KCND2: variants seen among roughly 807,000 people sequenced by gnomAD.
KCND2 encodes A-type voltage-gated potassium channel KCND2.
A neutral mutation model predicts 54.4 loss-of-function variants in KCND2; 16 were observed. The observed-to-expected ratio is 0.29, with a 90% CI of 0.20 to 0.45. KCND2 has a LOEUF of 0.45. Ranked by LOEUF, KCND2 falls within the 20% of genes least tolerant of loss-of-function variation. The probability of loss-of-function intolerance (pLI) is 1.00; values close to 1 mark genes in which losing one functional copy is unlikely to be tolerated. For missense variants in KCND2, 486 were observed against 824.2 expected (o/e 0.59, Z 5.02); for synonymous variants, 317 against 310.7 (o/e 1.02, Z -0.21).
At chr7:120,606,169 TA>T (rs1368149709) in intron 1 of KCND2, among the ~76,000 whole-genome samples, 1 of 152,202 alleles carries the variant, frequency 6.6e-6, no homozygotes, top group African/African-American at 2.4e-5. Flanking sequence ...TTTTCTTTAT[TA>T]ATTACCCATT....
intron 1 of KCND2, among the ~76,000 whole-genome samples, chr7:120,335,744 C>T (rs1407071271): frequency 1.3e-5 from 2 of 152,106 alleles, no homozygotes; most frequent in African/African-American, 4.8e-5. Flanking sequence ...CTCGTCCTCC[C>T]AAAGTGTTGG....
At chr7:120,284,347 A>G (rs1291578092) in intron 1 of KCND2, among the ~76,000 whole-genome samples, 2 of 152,070 alleles carry the variant, frequency 1.3e-5, no homozygotes, top group Admixed American at 1.3e-4. Context: ...TCCTTTCGTC[A>G]TGCTGTAGAA....
intron 1 of KCND2, among the ~76,000 whole-genome samples, chr7:120,522,693 C>T (rs802367): frequency 0.24 from 36,813 of 151,998 alleles, 7,765 homozygotes; most frequent in African/African-American, 0.56. Flanking sequence ...ATAAAAGTCA[C>T]GAATATTCAG....
intron 1 of KCND2, among the ~76,000 whole-genome samples, chr7:120,644,361 G>A (rs78532894): frequency 0.034 from 5,217 of 152,120 alleles, 210 homozygotes; most frequent in African/African-American, 0.1. Flanking sequence ...TACAAAATAA[G>A]ATTTAACAAA....
At chr7:120,577,001 G>T (rs909632014) in intron 1 of KCND2, among the ~76,000 whole-genome samples, 1 of 152,026 alleles carries the variant, frequency 6.6e-6, no homozygotes, top group Non-Finnish European at 1.5e-5. Context: ...CAAAAAATTT[G>T]CTAGGTGTGG....
At chr7:120,612,662 G>A (rs1344539510) in intron 1 of KCND2, among the ~76,000 whole-genome samples, 2 of 152,132 alleles carry the variant, frequency 1.3e-5, no homozygotes, top group Admixed American at 6.5e-5. Context: ...GAAACTCCAG[G>A]TCTTAAAGAA....
chr7:120,435,807 G>A (rs1329207887), intron 1 of KCND2, among the ~76,000 whole-genome samples: 2 of 152,106 alleles, frequency 1.3e-5, no homozygotes, highest in East Asian at 1.9e-4. Context: ...TTCCAATGGA[G>A]TATGTTTGTT....
chr7:120,383,191 A>G (rs1354046223), intron 1 of KCND2, among the ~76,000 whole-genome samples: 1 of 151,996 alleles, frequency 6.6e-6, no homozygotes, highest in Non-Finnish European at 1.5e-5. Flanking sequence ...TGCAGAATGC[A>G]TTATTTAAGT....
chr7:120,371,132 A>G (rs868670852), intron 1 of KCND2, among the ~76,000 whole-genome samples: 43 of 152,104 alleles, frequency 2.8e-4, no homozygotes, highest in African/African-American at 9.9e-4. Flanking sequence ...TTCCTCTTTA[A>G]TCTTCTATCT....
intron 1 of KCND2, among the ~76,000 whole-genome samples, chr7:120,713,608 G>T (rs906052670): frequency 6.6e-6 from 1 of 152,130 alleles, no homozygotes; most frequent in Non-Finnish European, 1.5e-5. Flanking sequence ...ATAAATCTGG[G>T]CAAATATGAC....
At chr7:120,441,112 A>G (rs1204612667) in intron 1 of KCND2, among the ~76,000 whole-genome samples, 1 of 152,060 alleles carries the variant, frequency 6.6e-6, no homozygotes, top group Non-Finnish European at 1.5e-5. Context: ...GGAAAAGATG[A>G]CTAGTTAATG....
chr7:120,675,604 G>A (rs979941185), intron 1 of KCND2, among the ~76,000 whole-genome samples: 1 of 152,006 alleles, frequency 6.6e-6, no homozygotes, highest in African/African-American at 2.4e-5. Flanking sequence ...TCTGGAATAC[G>A]TATAAGAATG....
chr7:120,643,145 A>G (rs551787441), intron 1 of KCND2, among the ~76,000 whole-genome samples: 7 of 152,256 alleles, frequency 4.6e-5, no homozygotes, highest in African/African-American at 1.7e-4. Context: ...ATAAGGTGCT[A>G]TTTTTCTAAT....
intron 1 of KCND2, among the ~76,000 whole-genome samples, chr7:120,278,853 A>C (rs1455774585): frequency 6.6e-6 from 1 of 151,922 alleles, no homozygotes; most frequent in Non-Finnish European, 1.5e-5. Flanking sequence ...AAAAAAATGA[A>C]AAAATAATGT....
At chr7:120,402,296 A>C (rs147908986) in intron 1 of KCND2, among the ~76,000 whole-genome samples, 1 of 149,954 alleles carries the variant, frequency 6.7e-6, no homozygotes, top group African/African-American at 2.4e-5. Flanking sequence ...TCCCATGTGC[A>C]TCCCTTCCCC....
intron 1 of KCND2, among the ~76,000 whole-genome samples, chr7:120,537,935 T>C (rs1791932036): frequency 6.6e-6 from 1 of 152,192 alleles, no homozygotes; most frequent in South Asian, 2.1e-4. Context: ...TTATTATCAT[T>C]CATGAGTTCA....
chr7:120,421,058 A>C (rs1192487045), intron 1 of KCND2, among the ~76,000 whole-genome samples: 1 of 152,244 alleles, frequency 6.6e-6, no homozygotes, highest in East Asian at 1.9e-4. Context: ...AAAATGCATC[A>C]ATAACGGTAA....
intron 1 of KCND2, among the ~76,000 whole-genome samples, chr7:120,601,598 CT>C (rs140631968): frequency 0.017 from 2,525 of 152,250 alleles, 31 homozygotes; most frequent in Non-Finnish European, 0.027. Context: ...TTAGCCTTCT[CT>C]ACAGGAAGTG....
At chr7:120,588,401 C>CAG (rs200498804) in intron 1 of KCND2, among the ~76,000 whole-genome samples, 139 of 59,516 alleles carry the variant, frequency 2.3e-3, no homozygotes, top group Middle Eastern at 0.011. Context: ...GGCAACTGTG[C>CAG]AGTGTGTGTG....
Sources: gnomAD v4.1 joint callset for allele counts (sites outside exome capture counted in the v4.1 genomes callset) on GRCh38, gnomAD v4.1.1 for gene constraint, MANE v1.5 for transcripts, NCBI Gene and HGNC (gene_info 2026-07-23, HGNC 2026-07-21) for gene names.